PCNX4: variants seen among roughly 807,000 people sequenced by gnomAD.
The protein encoded by PCNX4 is pecanex 4, also known as pecanex-like protein 4.
A neutral mutation model predicts 107.2 loss-of-function variants in PCNX4; 103 were observed. The observed-to-expected ratio is 0.96, with a 90% CI of 0.82 to 1.13. The LOEUF (loss-of-function observed/expected upper bound fraction) is 1.13. Ranked by LOEUF, PCNX4 falls within the 50% of genes most tolerant of loss-of-function variation. The pLI, the probability that PCNX4 is intolerant of heterozygous loss-of-function variation, is 0.00. For missense variants in PCNX4, 1,528 were observed against 1,379.4 expected, an observed-to-expected ratio of 1.11 and a Z score of -1.71; for synonymous variants, 541 against 481.7, an observed-to-expected ratio of 1.12 and a Z score of -1.61.
intron 10 of PCNX4, among the ~76,000 whole-genome samples, chr14:60,131,253 A>G (rs1449703734): frequency 6.6e-6 from 1 of 152,230 alleles, no homozygotes; most frequent in Admixed American, 6.5e-5. Flanking sequence ...AAGAAAAGGC[A>G]TTCAGATTAG....
At chr14:60,098,712 G>A (rs905737585) in intron 1 of PCNX4, among the ~76,000 whole-genome samples, 4 of 152,108 alleles carry the variant, frequency 2.6e-5, no homozygotes, top group Non-Finnish European at 5.9e-5. Context: ...GATGAGGCGG[G>A]TGGATCACCT....
At chr14:60,094,430 T>A (rs191689007) in intron 1 of PCNX4, among the ~76,000 whole-genome samples, 2 of 152,306 alleles carry the variant, frequency 1.3e-5, no homozygotes, top group Admixed American at 1.3e-4. Flanking sequence ...TTGCAGACCT[T>A]GGTCAAAGTG....
rs971628871 is a variant in PCNX4, at chr14:60,140,296, A to G, written c.*6075A>G. ...AACTATGGAAGAGCCAAAATTGACAAATGAAAAAATAGAAAATTCGAGTAG... is the reference window on the plus strand; with the variant it reads ...AACTATGGAAGAGCCAAAATTGACAGATGAAAAAATAGAAAATTCGAGTAG... On this transcript the variant is annotated 3_prime_UTR_variant, in exon 11 of 11. Transcript: ENST00000406854. This position sits in a 1 kb window ranked among gnomAD's most constrained non-coding sequence, Gnocchi z 4.2. 1 of 152,188 alleles carries G rather than the reference A, an allele frequency of 6.6e-6. No homozygotes were observed. Among genetic ancestry groups the G allele is most frequent in the Non-Finnish European group, 1.5e-5 (1 of 68,020 alleles). 9.4% of individuals were successfully genotyped at this position (152,188 alleles called of 1,614,324 possible). A position where few individuals can be genotyped will look rare whatever the true frequency, so the allele number is the denominator to read the frequency against.
intron 10 of PCNX4, among the ~76,000 whole-genome samples, chr14:60,130,721 T>C (rs1289606824): frequency 6.6e-6 from 1 of 152,198 alleles, no homozygotes; most frequent in African/African-American, 2.4e-5. Context: ...GGCAAAGCTG[T>C]ACTGGATAAA....
In PCNX4 at chr14:60,100,258, A is replaced by G. The variant is rs73310111; in HGVS notation, c.-53-7328A>G. 2.9e-3 allele frequency among the ~76,000 whole-genome samples: 443 copies of G among 152,252 alleles called. 3 individuals are homozygous for G. The highest frequency in any genetic ancestry group is 0.01 in the African/African-American group (424 of 41,556). On this transcript the variant is annotated intron_variant, in intron 1 of 10. Coordinates refer to ENST00000406854, the MANE Select transcript of PCNX4 (RefSeq NM_001330177.2). ...AAAAAAAAATACCATTTTTCTGCAC[A>G]CACACACGCCCCCAAACATATATAC... is the stretch of plus-strand genomic sequence containing the variant.
rs1314692405 is a variant in PCNX4, at chr14:60,145,844, T to C, written c.*11623T>C. The stretch of plus-strand genomic sequence containing the variant: ...AAAGACAAAATAATAATAATGATAA[T>C]ACAAAATTCAGTGTAGCCACTGTTC... On this transcript the variant is annotated 3_prime_UTR_variant, in exon 11 of 11. Transcript: ENST00000406854. The surrounding 1 kb of genome is among the most constrained non-coding windows in gnomAD (Gnocchi z 4.0). 3.9e-5 allele frequency: 6 copies of C among 151,924 alleles called. No individual in the cohort carries two copies. Among genetic ancestry groups the C allele is most frequent in the Admixed American group, 2.0e-4 (3 of 15,250 alleles). 9.4% of individuals were successfully genotyped at this position (151,924 alleles called of 1,614,324 possible).
chr14:60,103,523 T>A (rs1347581821), intron 1 of PCNX4, among the ~76,000 whole-genome samples: 2 of 152,182 alleles, frequency 1.3e-5, no homozygotes, highest in Non-Finnish European at 2.9e-5. Context: ...TTAAAAATAG[T>A]TCATTAAAAT....
chr14:60,101,766 T>C (rs1895537520), intron 1 of PCNX4, among the ~76,000 whole-genome samples: 1 of 152,190 alleles, frequency 6.6e-6, no homozygotes, highest in African/African-American at 2.4e-5. Flanking sequence ...TTATACAAAA[T>C]AATTGAAATC....
chr14:60,124,630 A>G lies in PCNX4; in HGVS notation c.2459A>G (p.Asp820Gly), dbSNP rs770881605. Residue 820 changes from aspartate to glycine, a missense_variant, in exon 9 of 11, where the codon GAC becomes GGC. Asp to Gly is a moderately conservative substitution (Grantham distance 94). Transcript: ENST00000406854. ...AGTTTAAATTCAGAAACTTTTAATG[A>G]CTGGTCTGATGATAATATTTTTGAT... ...IDSLNSETFN[D>G]WSDDNIFDDE... The G allele has an allele frequency of 5.0e-6, 8 of 1,613,788 alleles. No homozygotes were observed. Among genetic ancestry groups the G allele is most frequent in the Non-Finnish European group, 6.8e-6 (8 of 1,179,762 alleles).
chr14:60,100,028 G>A (rs180829856), intron 1 of PCNX4, among the ~76,000 whole-genome samples: 265 of 152,174 alleles, frequency 1.7e-3, no homozygotes, highest in Middle Eastern at 3.4e-3. Flanking sequence ...TCATGCTACT[G>A]CACTCCAGCC....
rs1895313382 is a variant in PCNX4, at chr14:60,092,260, G to C, written c.-213G>C. On this transcript the variant is annotated 5_prime_UTR_variant, in exon 1 of 11. Coordinates refer to ENST00000406854, the MANE Select transcript of PCNX4 (RefSeq NM_001330177.2). Reference sequence around the variant, plus strand: ...CCATGGAAACCGAGAGCTGGCCCGGGCGGGGCCGCGGTGAGCTCGTTATTC... The same window carrying C: ...CCATGGAAACCGAGAGCTGGCCCGGCCGGGGCCGCGGTGAGCTCGTTATTC... 6.6e-6 allele frequency: 1 copy of C among 152,414 alleles called. No homozygotes were observed. 9.4% of individuals were successfully genotyped at this position (152,414 alleles called of 1,614,324 possible).
intron 7 of PCNX4, among the ~76,000 whole-genome samples, chr14:60,119,964 G>A (rs1449240386): frequency 2.6e-5 from 4 of 152,162 alleles, no homozygotes; most frequent in Non-Finnish European, 5.9e-5. Context: ...TAATAAAGAT[G>A]TATATATCCC....
At position 60,144,972 on chromosome 14, in the gene PCNX4, A is replaced by T; in HGVS notation, c.*10751A>T. The T allele has an allele frequency of 6.2e-7, 1 of 1,605,334 alleles. No individual in the cohort carries two copies. Among genetic ancestry groups the T allele is most frequent in the Non-Finnish European group, 8.5e-7 (1 of 1,177,314 alleles). ...AAAAGTACAGGTGCTCTTTTCAGTC[A>T]TGTTTTGTCTTAAAGATTTTAAAAT... On this transcript the variant is annotated 3_prime_UTR_variant, in exon 11 of 11. Coordinates refer to ENST00000406854, the MANE Select transcript of PCNX4 (RefSeq NM_001330177.2).
intron 6 of PCNX4, among the ~76,000 whole-genome samples, chr14:60,117,580 A>G (rs371288847): frequency 1.3e-5 from 2 of 152,208 alleles, no homozygotes; most frequent in South Asian, 2.1e-4. Context: ...GGTTGTATAT[A>G]GGAACTCCAT....
chr14:60,133,955 CT>C lies in PCNX4; in HGVS notation c.3268-10del. On this transcript the variant is annotated splice_polypyrimidine_tract_variant and intron_variant, in intron 10 of 10. Transcript: ENST00000406854. ...CTTTTCTTTTTCTCCTCCTCCTACC[CT>C]TTTTACTTTAAAGGGAATTTACACT... 1 of 1,604,742 alleles carries C rather than the reference CT, an allele frequency of 6.2e-7. No homozygotes were observed.
At chr14:60,129,899 G>T (rs1012866047) in intron 10 of PCNX4, among the ~76,000 whole-genome samples, 1 of 152,108 alleles carries the variant, frequency 6.6e-6, no homozygotes, top group Non-Finnish European at 1.5e-5. Context: ...TAGTCAATAC[G>T]AGAGAAAGTC....
intron 1 of PCNX4, among the ~76,000 whole-genome samples, chr14:60,105,555 T>C (rs1895613380): frequency 6.6e-6 from 1 of 152,190 alleles, no homozygotes; most frequent in Admixed American, 6.5e-5. Flanking sequence ...TGGATACAAA[T>C]GGAATCAGTA....
At chr14:60,125,297 T>C (rs1217838678) in intron 9 of PCNX4, 46 bp downstream of exon 9, 11 of 1,432,818 alleles carry the variant, frequency 7.7e-6, no homozygotes, top group African/African-American at 1.4e-5. Context: ...GTTGGAAAAA[T>C]ACTGATTTTT....
Position 60,133,632 on chromosome 14 carries a change from A to G in PCNX4, c.3268-338A>G, listed in dbSNP as rs148310578. 4.4e-4 allele frequency: 216 copies of G among 487,220 alleles called. 1 individual carries two copies. The highest frequency in any genetic ancestry group is 1.3e-3 in the East Asian group (22 of 16,732). The allele number at this position is 487,220 out of a possible 1,614,324, so 30.2% of individuals were successfully genotyped here. A position where few individuals can be genotyped will look rare whatever the true frequency, so the allele number is the denominator to read the frequency against. On this transcript the variant is annotated intron_variant, in intron 10 of 10. Coordinates refer to ENST00000406854, the MANE Select transcript of PCNX4 (RefSeq NM_001330177.2). ...AAAGCTGTTTCTTTAAAAAGAGCCT[A>G]TTGTATCATTCACCACCAAATAGTA...
Sources: allele counts gnomAD v4.1 joint callset (sites outside exome capture counted in the v4.1 genomes callset), GRCh38; gene constraint gnomAD v4.1.1; non-coding constraint Gnocchi (gnomAD v3.1); transcripts MANE v1.5; gene names NCBI Gene and HGNC (gene_info 2026-07-23, HGNC 2026-07-21).